The following CDYL variants were observed in gnomAD, a reference collection of about 807,000 sequenced individuals.
CDYL encodes the protein chromodomain Y like, also known as chromodomain Y-like protein.
Under a neutral mutation model 47.3 loss-of-function variants are expected in CDYL, and 8 were observed. The ratio of observed to expected loss-of-function variants is 0.17; its 90% CI spans 0.10 to 0.31. The LOEUF (loss-of-function observed/expected upper bound fraction) is 0.31. CDYL is among the 10% of genes least tolerant of loss of function. The probability of loss-of-function intolerance (pLI) is 1.00; values close to 1 mark genes in which losing one functional copy is unlikely to be tolerated. For synonymous variants in CDYL, 266 were observed against 265.0 expected (o/e 1.00, Z -0.04); for missense variants, 471 against 701.4 (o/e 0.67, Z 3.71).
At chr6:4,876,334 T>G (rs752837031) in intron 1 of CDYL, among the ~76,000 whole-genome samples, 3 of 152,224 alleles carry the variant, frequency 2.0e-5, no homozygotes, top group Non-Finnish European at 4.4e-5. Context: ...TGACATGTGT[T>G]TTCATTCCTT....
intron 3 of CDYL, among the ~76,000 whole-genome samples, chr6:4,747,306 CAAAAA>C (rs11481080): frequency 1.5e-5 from 2 of 133,004 alleles, no homozygotes; most frequent in African/African-American, 5.7e-5. Context: ...GACTTCATCT[CAAAAA>C]AAAAAAAAAA....
At chr6:4,823,004 A>G (rs890730783) in intron 1 of CDYL, among the ~76,000 whole-genome samples, 6 of 152,224 alleles carry the variant, frequency 3.9e-5, no homozygotes, top group Admixed American at 3.3e-4. Flanking sequence ...TGACGTAGAC[A>G]TGGCTGTGCA....
At chr6:4,857,031 A>G (rs1251119904) in intron 1 of CDYL, among the ~76,000 whole-genome samples, 1 of 152,184 alleles carries the variant, frequency 6.6e-6, no homozygotes. Context: ...CTTAAGAGAA[A>G]GGCAACTTGC....
chr6:4,946,157 A>G (rs1340124654), intron 5 of CDYL, among the ~76,000 whole-genome samples: 1 of 152,090 alleles, frequency 6.6e-6, no homozygotes, highest in Non-Finnish European at 1.5e-5. Flanking sequence ...CCCTCTGGCC[A>G]GCCCTGGGTG....
chr6:4,894,117 T>C (rs1762128804), intron 2 of CDYL, among the ~76,000 whole-genome samples: 1 of 152,220 alleles, frequency 6.6e-6, no homozygotes, highest in South Asian at 2.1e-4. Context: ...TCAGAGAAGT[T>C]CAGAGGTAGA....
At chr6:4,788,071 C>T (rs993756630) in intron 1 of CDYL, among the ~76,000 whole-genome samples, 7 of 151,800 alleles carry the variant, frequency 4.6e-5, no homozygotes, top group Admixed American at 2.0e-4. Context: ...CGCACCTGGT[C>T]GAAATTCGAG....
intron 4 of CDYL, among the ~76,000 whole-genome samples, chr6:4,939,134 C>CT (rs1446569238): frequency 6.6e-6 from 1 of 152,164 alleles, no homozygotes; most frequent in Non-Finnish European, 1.5e-5. Context: ...TAAGTTGGAT[C>CT]TTTTCCAAAA....
intron 1 of CDYL, among the ~76,000 whole-genome samples, chr6:4,792,504 T>C (rs1169767600): frequency 6.6e-6 from 1 of 151,736 alleles, no homozygotes; most frequent in Non-Finnish European, 1.5e-5. Context: ...TGATCTCCGC[T>C]CACGGTAACC....
At chr6:4,744,110 C>T (rs965740794) in intron 3 of CDYL, among the ~76,000 whole-genome samples, 1 of 152,164 alleles carries the variant, frequency 6.6e-6, no homozygotes, top group East Asian at 1.9e-4. Context: ...TGAATCACTA[C>T]TGAGCAGGAC....
In CDYL at chr6:4,895,420, T is replaced by C. The variant is rs1381988776; in HGVS notation, c.691+3041T>C. 2.3e-4 allele frequency among the ~76,000 whole-genome samples: 7 copies of C among 30,680 alleles called. 3 individuals are homozygous for C. The highest frequency in any genetic ancestry group is 9.5e-4 in the Admixed American group (2 of 2,114). The allele number at this position is 30,680 out of a possible 152,430, so 20.1% of individuals were successfully genotyped here. On this transcript the variant is annotated intron_variant, in intron 2 of 6. Coordinates refer to ENST00000397588, the MANE Select transcript of CDYL (RefSeq NM_004824.4). ...GCATGTATACATGTATACGTATATA[T>C]GCATGTATACATGTATACGTATATA...
chr6:4,844,054 G>T (rs946220542), intron 1 of CDYL, among the ~76,000 whole-genome samples: 3 of 152,160 alleles, frequency 2.0e-5, no homozygotes, highest in Non-Finnish European at 4.4e-5. Context: ...TTCCCCTGGG[G>T]ATGTGGCTTT....
intron 1 of CDYL, among the ~76,000 whole-genome samples, chr6:4,853,388 T>C (rs1760909879): frequency 6.6e-6 from 1 of 152,226 alleles, no homozygotes; most frequent in Non-Finnish European, 1.5e-5. Flanking sequence ...AGCTGCTAGA[T>C]GGCAGAGCCT....
intron 4 of CDYL, among the ~76,000 whole-genome samples, chr6:4,940,092 C>A (rs1758320215): frequency 6.6e-6 from 1 of 152,144 alleles, no homozygotes; most frequent in Admixed American, 6.5e-5. Flanking sequence ...CTAGATCCAG[C>A]CAGGTTTAAG....
chr6:4,952,172 T>C (rs1393346276), intron 5 of CDYL, 94 bp from the exon 6 acceptor site: 44 of 1,430,872 alleles, frequency 3.1e-5, no homozygotes, highest in Non-Finnish European at 4.0e-5. Context: ...CTGGTATTTG[T>C]GAATGTTTCC....
intron 1 of CDYL, among the ~76,000 whole-genome samples, chr6:4,860,593 A>C (rs981599145): frequency 6.9e-6 from 1 of 144,880 alleles, no homozygotes; most frequent in Non-Finnish European, 1.5e-5. Flanking sequence ...TATAATATAC[A>C]TATATATCAT....
chr6:4,876,699 A>G (rs1761630503), intron 1 of CDYL, among the ~76,000 whole-genome samples: 1 of 152,158 alleles, frequency 6.6e-6, no homozygotes, highest in South Asian at 2.1e-4. Context: ...TTTTAATTAT[A>G]CTTGGTCTTT....
In CDYL at chr6:4,869,181, T is replaced by G. The variant is rs1025830053; in HGVS notation, c.25-22532T>G. Among the ~76,000 whole-genome samples, 11 of 152,072 alleles carry G rather than the reference T, an allele frequency of 7.2e-5. No homozygotes were observed. The South Asian group carries it at 2.3e-3, about 32-fold the overall frequency. On this transcript the variant is annotated intron_variant, in intron 1 of 6. Transcript: ENST00000397588. ...TGCAATCTTGGCTCACTGCAGCCTC[T>G]GCCTCCTGGGTTCAAGCGATTCTCC...
At chr6:4,794,238 C>T (rs953564053) in intron 1 of CDYL, among the ~76,000 whole-genome samples, 2 of 151,902 alleles carry the variant, frequency 1.3e-5, no homozygotes, top group East Asian at 1.9e-4. Context: ...AGAGACGTGG[C>T]CAGAGGAGGA....
At chr6:4,905,143 C>A (rs1472408847) in intron 2 of CDYL, among the ~76,000 whole-genome samples, 1 of 152,182 alleles carries the variant, frequency 6.6e-6, no homozygotes, top group African/African-American at 2.4e-5. Context: ...GTCACAGTGA[C>A]CGTGTGTCCG....
Sources: allele counts gnomAD v4.1 joint callset (sites outside exome capture counted in the v4.1 genomes callset), GRCh38; gene constraint gnomAD v4.1.1; transcripts MANE v1.5; gene names NCBI Gene and HGNC (gene_info 2026-07-23, HGNC 2026-07-21).